PARD3B: variants seen among roughly 807,000 people sequenced by gnomAD.
The protein encoded by PARD3B is par-3 family cell polarity regulator beta.
In PARD3B, 103 loss-of-function variants were observed where a neutral mutation model predicts 130.2. The observed-to-expected ratio is 0.79, with a 90% CI of 0.67 to 0.93. The LOEUF (loss-of-function observed/expected upper bound fraction) is 0.93, where lower values mean the gene tolerates loss of function less well. Among genes scored for constraint, PARD3B ranks in the 40% least tolerant of loss-of-function variants. The probability of loss-of-function intolerance (pLI) is 0.00; values close to 1 mark genes in which losing one functional copy is unlikely to be tolerated. For synonymous variants in PARD3B, 583 were observed against 553.2 expected (o/e 1.05, Z -0.76); for missense variants, 1,609 against 1,499.2 (o/e 1.07, Z -1.21).
At chr2:204,593,339 G>C (rs2033153297) in intron 1 of PARD3B, among the ~76,000 whole-genome samples, 1 of 152,110 alleles carries the variant, frequency 6.6e-6, no homozygotes, top group African/African-American at 2.4e-5. Context: ...GGGTAGGGGA[G>C]GGGGCTTGCG....
At chr2:204,951,167 G>T in intron 2 of PARD3B, among the ~76,000 whole-genome samples, 1 of 152,084 alleles carries the variant, frequency 6.6e-6, no homozygotes, top group South Asian at 2.1e-4. Flanking sequence ...GCCCATGCTT[G>T]GTTTAATCCT....
Position 205,575,567 on chromosome 2 carries a change from A to G in PARD3B, c.3260+22164A>G, listed in dbSNP as rs1052251850. On this transcript the variant is annotated intron_variant, in intron 22 of 22. Transcript: ENST00000406610. The surrounding 1 kb of genome is among the most constrained non-coding windows in gnomAD (Gnocchi z 4.6). ...ACACCATTACCCCTAGCTACTATTG[A>G]TCTTTTTGCTGTCTTCATAGTTCTA... is the stretch of plus-strand genomic sequence containing the variant. Among the ~76,000 whole-genome samples the G allele has an allele frequency of 2.6e-5, 4 of 152,036 alleles. No homozygotes were observed. Among genetic ancestry groups the G allele is most frequent in the African/African-American group, 4.8e-5 (2 of 41,382 alleles).
At chr2:204,713,051 C>T (rs2038533548) in intron 2 of PARD3B, among the ~76,000 whole-genome samples, 1 of 152,196 alleles carries the variant, frequency 6.6e-6, no homozygotes, top group East Asian at 1.9e-4. Context: ...TAGAGTGTTT[C>T]TAATGTGACT....
intron 18 of PARD3B, among the ~76,000 whole-genome samples, chr2:205,359,834 G>A (rs1043255423): frequency 2.2e-4 from 33 of 152,008 alleles, no homozygotes; most frequent in Admixed American, 4.6e-4. Flanking sequence ...ATCCTCATAC[G>A]TGCCCTGTAA....
At position 205,176,421 on chromosome 2, in the gene PARD3B, GTAATTTTTAC is replaced by G. The variant is rs1174770667; in HGVS notation, c.1792-22_1792-13del. On this transcript the variant is annotated splice_polypyrimidine_tract_variant and intron_variant, in intron 12 of 22. Transcript: ENST00000406610. The surrounding 1 kb of genome is among the most constrained non-coding windows in gnomAD (Gnocchi z 5.3). ...GTTGGAACATATTAAAAATGCAAAT[GTAATTTTTAC>G]TTTTATCTCTTAGGATCCTGCAGAG... The G allele has an allele frequency of 8.2e-6, 13 of 1,577,866 alleles. No homozygotes were observed. Among genetic ancestry groups the G allele is most frequent in the Non-Finnish European group, 1.1e-5 (13 of 1,165,684 alleles).
chr2:205,152,618 G>A (rs2033837001), intron 10 of PARD3B, among the ~76,000 whole-genome samples: 1 of 152,074 alleles, frequency 6.6e-6, no homozygotes, highest in Non-Finnish European at 1.5e-5. Flanking sequence ...GTCATTTAAG[G>A]TCTTCTTTAT....
At chr2:205,443,207 A>T (rs900973164) in intron 20 of PARD3B, among the ~76,000 whole-genome samples, 13 of 152,236 alleles carry the variant, frequency 8.5e-5, no homozygotes, top group African/African-American at 2.7e-4. Flanking sequence ...CTGTGCCCAG[A>T]TAAGTCTAAG....
rs766795465 is a variant in PARD3B, at chr2:205,553,413, G to C, written c.3260+10G>C. On this transcript the variant is annotated intron_variant, in intron 22 of 22. Transcript: ENST00000406610. ...ACGCATCCTTACCCAGGTAGATCAC[G>C]GAGAGGTCTCCCATCTCCAGCTCAC... 2 of 1,611,908 alleles carry C rather than the reference G, an allele frequency of 1.2e-6. No individual in the cohort carries two copies. The highest frequency in any genetic ancestry group is 2.2e-5 in the South Asian group (2 of 90,988).
intron 1 of PARD3B, among the ~76,000 whole-genome samples, chr2:204,643,729 A>C (rs541222630): frequency 1.3e-5 from 2 of 152,208 alleles, no homozygotes; most frequent in Admixed American, 6.5e-5. Flanking sequence ...AAGCCAAAAG[A>C]TTGGACACCC....
intron 2 of PARD3B, among the ~76,000 whole-genome samples, chr2:204,734,505 T>C (rs937714269): frequency 6.6e-6 from 1 of 152,112 alleles, no homozygotes; most frequent in Non-Finnish European, 1.5e-5. Flanking sequence ...CCAACCCAAA[T>C]ATCCGTCACC....
intron 2 of PARD3B, among the ~76,000 whole-genome samples, chr2:204,831,948 A>C (rs1234554820): frequency 6.6e-6 from 1 of 152,196 alleles, no homozygotes; most frequent in Non-Finnish European, 1.5e-5. Flanking sequence ...CACCTTAAAA[A>C]ATAGATATCC....
At position 205,575,067 on chromosome 2, in the gene PARD3B, A is replaced by G. The variant is rs1575401404; in HGVS notation, c.3260+21664A>G. 7.4e-6 allele frequency among the ~76,000 whole-genome samples: 1 copy of G among 135,424 alleles called. No homozygotes were observed. Among genetic ancestry groups the G allele is most frequent in the East Asian group, 2.2e-4 (1 of 4,458 alleles). The allele number at this position is 135,424 out of a possible 152,430, so 88.8% of individuals were successfully genotyped here. ...GGCATGATCCACATCAAAATACATT[A>G]TATACACATTTAAATAGACACACAC... On this transcript the variant is annotated intron_variant, in intron 22 of 22. Transcript: ENST00000406610. This position sits in a 1 kb window ranked among gnomAD's most constrained non-coding sequence, Gnocchi z 4.6.
At chr2:205,154,910 G>A (rs1454611819) in intron 10 of PARD3B, among the ~76,000 whole-genome samples, 5 of 152,074 alleles carry the variant, frequency 3.3e-5, no homozygotes, top group Admixed American at 3.3e-4. Flanking sequence ...GGGGGCCTGG[G>A]GGAGGGATAG....
Position 205,442,014 on chromosome 2 carries a change from T to C in PARD3B, c.3044+1342T>C, listed in dbSNP as rs182293091. On this transcript the variant is annotated intron_variant, in intron 20 of 22. Transcript: ENST00000406610. ...TCATAGAGGATTGAATTTTATTGTA[T>C]AAATAATAACACCAGGCATGAGTCT... is the stretch of plus-strand genomic sequence containing the variant. 2.0e-3 allele frequency among the ~76,000 whole-genome samples: 302 copies of C among 152,292 alleles called. 1 individual carries two copies. The highest frequency in any genetic ancestry group is 7.0e-3 in the African/African-American group (290 of 41,578).
chr2:205,371,485 C>T (rs971712529), intron 18 of PARD3B, among the ~76,000 whole-genome samples: 1 of 152,112 alleles, frequency 6.6e-6, no homozygotes, highest in African/African-American at 2.4e-5. Flanking sequence ...ATTGACTGGC[C>T]ACTGTGCTGA....
At position 205,089,894 on chromosome 2, in the gene PARD3B, T is replaced by C. The variant is rs563067221; in HGVS notation, c.505-14532T>C. 9.2e-5 allele frequency among the ~76,000 whole-genome samples: 14 copies of C among 152,348 alleles called. No individual in the cohort carries two copies. The East Asian group carries it at 2.1e-3, about 23-fold the overall frequency. On this transcript the variant is annotated intron_variant, in intron 4 of 22. Coordinates refer to ENST00000406610, the MANE Select transcript of PARD3B (RefSeq NM_001302769.2). The stretch of plus-strand genomic sequence containing the variant: ...ATCCACAGAAAATTAACCAATATGT[T>C]TGATTCTATAGAACTATCATTTTTG...
chr2:204,988,149 G>C (rs1676807569), intron 3 of PARD3B, among the ~76,000 whole-genome samples: 1 of 152,134 alleles, frequency 6.6e-6, no homozygotes, highest in Admixed American at 6.6e-5. Flanking sequence ...TTATGGTCAA[G>C]CCAGAGAAGA....
At chr2:204,848,139 CTAAAGTTTA>C (rs1345687179) in intron 2 of PARD3B, among the ~76,000 whole-genome samples, 5 of 151,878 alleles carry the variant, frequency 3.3e-5, no homozygotes, top group Admixed American at 1.3e-4. Flanking sequence ...CTTATTCTGC[CTAAAGTTTA>C]TAAAGTTTAT....
At chr2:205,448,465 T>A (rs988865396) in intron 20 of PARD3B, among the ~76,000 whole-genome samples, 3 of 152,260 alleles carry the variant, frequency 2.0e-5, no homozygotes, top group Admixed American at 2.0e-4. Context: ...TACAAAATCC[T>A]TTATTGGTAC....
Sources: gnomAD v4.1 joint callset for allele counts (sites outside exome capture counted in the v4.1 genomes callset) on GRCh38, gnomAD v4.1.1 for gene constraint, Gnocchi (gnomAD v3.1) non-coding constraint, MANE v1.5 for transcripts, NCBI Gene and HGNC (gene_info 2026-07-23, HGNC 2026-07-21) for gene names.